Variants in CCDC88A observed in about 807,000 individuals in gnomAD.
The protein encoded by CCDC88A is girdin.
Under a neutral mutation model 234.3 loss-of-function variants are expected in CCDC88A, and 54 were observed. The ratio of observed to expected loss-of-function variants is 0.23; its 90% CI spans 0.19 to 0.29. The LOEUF is 0.29. Ranked by LOEUF, CCDC88A falls within the 10% of genes least tolerant of loss-of-function variation. The pLI is 1.00. For synonymous variants in CCDC88A, 753 were observed against 737.8 expected (o/e 1.02, Z -0.33); for missense variants, 1,832 against 2,123.4 (o/e 0.86, Z 2.70).
At chr2:55,413,159 G>A (rs1680776606) in intron 2 of CCDC88A, among the ~76,000 whole-genome samples, 1 of 152,120 alleles carries the variant, frequency 6.6e-6, no homozygotes, top group African/African-American at 2.4e-5. Context: ...AGTGGGTTGC[G>A]ATTGTGCCAC....
intron 2 of CCDC88A, among the ~76,000 whole-genome samples, chr2:55,407,919 T>C (rs891888266): frequency 6.7e-6 from 1 of 149,512 alleles, no homozygotes; most frequent in Non-Finnish European, 1.5e-5. Flanking sequence ...GGTTTCACCA[T>C]GTTGGCTTGG....
rs778561060 is a variant in CCDC88A at position 55,318,897 on chromosome 2, T to C, written c.3270A>G (p.Thr1090=). 9.3e-6 allele frequency: 15 copies of C among 1,613,044 alleles called. No individual in the cohort carries two copies. The highest frequency in any genetic ancestry group is 1.3e-5 in the African/African-American group (1 of 75,034). The change falls in exon 19 of 33, where the codon ACA becomes ACG. Residue 1090 remains threonine, a synonymous_variant. Coordinates refer to ENST00000436346, the MANE Select transcript of CCDC88A (RefSeq NM_001365480.1). ...TGGTATTCTGTTCTTGTAATGACACTGTCTGCCTCTGAAGTGCAAGAATCT... is the reference window on the plus strand; with the variant it reads ...TGGTATTCTGTTCTTGTAATGACACCGTCTGCCTCTGAAGTGCAAGAATCT... ...QAQILALQRQ[T]VSLQEQNTTL...
In CCDC88A at chr2:55,346,146, A is replaced by T. The variant is rs984492042; in HGVS notation, c.1041+29T>A. On this transcript the variant is annotated intron_variant, in intron 10 of 32. Coordinates refer to ENST00000436346, the MANE Select transcript of CCDC88A (RefSeq NM_001365480.1). ...GTTAAAATTCTAACACAGAAAAAAA[A>T]ATCATGAATGGTTAATTATGCAACA... 3.9e-6 allele frequency: 6 copies of T among 1,526,494 alleles called. No homozygotes were observed. The African/African-American group carries it at 5.6e-5, about 14-fold the overall frequency. 94.6% of individuals were successfully genotyped at this position (1,526,494 alleles called of 1,614,324 possible). A position where few individuals can be genotyped will look rare whatever the true frequency, so the allele number is the denominator to read the frequency against.
At chr2:55,333,265 A>T (rs1413590918) in intron 15 of CCDC88A, among the ~76,000 whole-genome samples, 1 of 152,224 alleles carries the variant, frequency 6.6e-6, no homozygotes, top group Non-Finnish European at 1.5e-5. Context: ...TATACTTTTA[A>T]ATTGAACTTA....
chr2:55,296,468 G>C lies in CCDC88A; in HGVS notation c.4881C>G (p.Ser1627Arg). 6.2e-7 allele frequency: 1 copy of C among 1,614,200 alleles called. No individual in the cohort carries two copies. The highest frequency in any genetic ancestry group is 1.3e-5 in the African/African-American group (1 of 75,062). Reference protein sequence around the residue: ...RPQSHSSGEFSLLHDHEAWSS... With the variant: ...RPQSHSSGEFRLLHDHEAWSS... Reference sequence around the variant, plus strand: ...ACCAAGCCTCATGGTCATGAAGCAGGCTAAATTCTCCACTGCTGTGGCTTT... The same window carrying C: ...ACCAAGCCTCATGGTCATGAAGCAGCCTAAATTCTCCACTGCTGTGGCTTT... Residue 1627 changes from serine (S) to arginine (R), a missense_variant, in exon 30 of 33, where the codon AGC becomes AGG. Ser to Arg is a moderately radical substitution (Grantham distance 110). Coordinates refer to ENST00000436346, the MANE Select transcript of CCDC88A (RefSeq NM_001365480.1).
intron 29 of CCDC88A, chr2:55,297,280 AT>A (rs1373799247): frequency 4.9e-4 from 13 of 26,480 alleles, no homozygotes; most frequent in African/African-American, 6.6e-4. Context: ...TATATATTAT[AT>A]ATAATATATA....
chr2:55,322,496 A>C (rs1036762677), intron 18 of CCDC88A, 32 bp downstream of exon 18: 1 of 1,343,458 alleles, frequency 7.4e-7, no homozygotes, highest in African/African-American at 1.5e-5. Flanking sequence ...TTCTAAAAAA[A>C]ACTATTTCTA....
chr2:55,414,416 A>G (rs1244279990), intron 2 of CCDC88A, among the ~76,000 whole-genome samples: 1 of 152,254 alleles, frequency 6.6e-6, no homozygotes, highest in Non-Finnish European at 1.5e-5. Flanking sequence ...ATTTCAATCC[A>G]CTGAAGTAGG....
At chr2:55,359,885 C>G (rs1379562773) in intron 7 of CCDC88A, among the ~76,000 whole-genome samples, 8 of 90,856 alleles carry the variant, frequency 8.8e-5, no homozygotes, top group Admixed American at 2.0e-4. Flanking sequence ...ATTAATTCTA[C>G]TTGTAGAACT....
chr2:55,336,648 A>G, intron 14 of CCDC88A, 33 bp downstream of exon 14: 2 of 1,375,660 alleles, frequency 1.5e-6, no homozygotes, highest in South Asian at 3.0e-5. Context: ...AAATTTTAAA[A>G]TACATTGTTT....
chr2:55,370,118 C>G (rs1015308824), intron 5 of CCDC88A, among the ~76,000 whole-genome samples: 1 of 152,080 alleles, frequency 6.6e-6, no homozygotes, highest in African/African-American at 2.4e-5. Flanking sequence ...CTTAAGGGCT[C>G]TCAAGTAAAA....
At chr2:55,388,686 A>C in intron 3 of CCDC88A, 92 bp downstream of exon 3, 1 of 608,538 alleles carries the variant, frequency 1.6e-6, no homozygotes, top group Middle Eastern at 3.2e-4. Context: ...AGCATATAAT[A>C]AGCGTTTAAA....
rs1558701104 is a variant in CCDC88A at position 55,341,136 on chromosome 2, C to CTTTTTTTTTTTTTTTTTT, written c.1334-1489_1334-1488insAAAAAAAAAAAAAAAAAA. 1.9e-5 allele frequency among the ~76,000 whole-genome samples: 2 copies of CTTTTTTTTTTTTTTTTTT among 107,948 alleles called. 1 individual carries two copies. The highest frequency in any genetic ancestry group is 7.6e-5 in the African/African-American group (2 of 26,400). 70.8% of individuals were successfully genotyped at this position (107,948 alleles called of 152,430 possible). ...CATATTGTTGCAAATGACAGAATTT[C>CTTTTTTTTTTTTTTTTTT]TTTCTTTTTTTTTTTTTTTTTTTTT... On this transcript the variant is annotated intron_variant, in intron 12 of 32. Coordinates refer to ENST00000436346, the MANE Select transcript of CCDC88A (RefSeq NM_001365480.1).
chr2:55,324,653 C>CTT (rs145610788), intron 17 of CCDC88A, among the ~76,000 whole-genome samples: 10,537 of 147,952 alleles, frequency 0.071, 1,158 homozygotes, highest in African/African-American at 0.24. Context: ...CCTTCTTTTT[C>CTT]TTTTTTTTTT....
At chr2:55,390,125 G>GCTAACAAAAAC (rs59702618) in intron 2 of CCDC88A, among the ~76,000 whole-genome samples, 125,898 of 147,116 alleles carry the variant, frequency 0.86, 54,415 homozygotes, top group Admixed American at 0.93. Context: ...CCCACTACAG[G>GCTAACAAAAAC]CTAACAAAAA....
intron 2 of CCDC88A, among the ~76,000 whole-genome samples, chr2:55,402,061 G>C (rs141443971): frequency 5.3e-5 from 8 of 151,906 alleles, no homozygotes; most frequent in Non-Finnish European, 1.5e-5. Context: ...TTTAACTTTT[G>C]GTCTCAGAAC....
At chr2:55,383,955 T>G (rs996436978) in intron 3 of CCDC88A, among the ~76,000 whole-genome samples, 1 of 152,024 alleles carries the variant, frequency 6.6e-6, no homozygotes, top group Non-Finnish European at 1.5e-5. Flanking sequence ...GGTGCGAAAG[T>G]AATTGCGCTC....
intron 2 of CCDC88A, among the ~76,000 whole-genome samples, chr2:55,415,686 G>C (rs1182016535): frequency 6.6e-6 from 1 of 152,130 alleles, no homozygotes; most frequent in Admixed American, 6.6e-5. Context: ...CCTCAAGTCT[G>C]AGTACTTATC....
At chr2:55,311,145 T>G (rs556005977) in intron 23 of CCDC88A, among the ~76,000 whole-genome samples, 2 of 152,280 alleles carry the variant, frequency 1.3e-5, no homozygotes, top group East Asian at 3.9e-4. Context: ...GAGACTCAAA[T>G]GCCAAAAGTT....
Sources: allele counts gnomAD v4.1 joint callset (sites outside exome capture counted in the v4.1 genomes callset), GRCh38; gene constraint gnomAD v4.1.1; transcripts MANE v1.5; gene names NCBI Gene and HGNC (gene_info 2026-07-23, HGNC 2026-07-21).